The following GRAMD1B variants were observed in gnomAD, a reference collection of about 807,000 sequenced individuals.
GRAMD1B encodes the protein protein Aster-B.
GRAMD1B carries 37 observed loss-of-function variants against 99.7 expected under a neutral mutation model. The ratio of observed to expected loss-of-function variants is 0.37; its 90% CI spans 0.29 to 0.49. GRAMD1B has a LOEUF of 0.49. Ranked by LOEUF, GRAMD1B falls within the 20% of genes least tolerant of loss-of-function variation. GRAMD1B has a pLI of 0.98. For synonymous variants in GRAMD1B, 427 were observed against 387.6 expected, an observed-to-expected ratio of 1.10 and a Z score of -1.19; for missense variants, 888 against 1,009.2, an observed-to-expected ratio of 0.88 and a Z score of 1.63.
intron 1 of GRAMD1B, among the ~76,000 whole-genome samples, chr11:123,369,751 G>A (rs1946457525): frequency 6.6e-6 from 1 of 151,586 alleles, no homozygotes; most frequent in Admixed American, 6.6e-5. Context: ...GTGCGCCAGT[G>A]TTCCCAGCTA....
At chr11:123,618,033 T>C (rs1954676980) in intron 17 of GRAMD1B, among the ~76,000 whole-genome samples, 1 of 152,170 alleles carries the variant, frequency 6.6e-6, no homozygotes, top group East Asian at 1.9e-4. Flanking sequence ...GTAAGAGGTA[T>C]CATTGGCAGA....
intron 2 of GRAMD1B, among the ~76,000 whole-genome samples, chr11:123,552,942 A>G (rs1230611209): frequency 6.6e-6 from 1 of 152,258 alleles, no homozygotes; most frequent in Non-Finnish European, 1.5e-5. Flanking sequence ...TCTAGAAAAT[A>G]TAGATCACTA....
rs1458044451 is a variant in GRAMD1B, at chr11:123,624,677, C to G, written c.*2082C>G. ...CTGGAAATCTCCCCCTTGGCACAGC[C>G]AGAAGCCAAAACTATTCCCAGAAAG... is the stretch of plus-strand genomic sequence containing the variant. On this transcript the variant is annotated 3_prime_UTR_variant, in exon 20 of 20. Coordinates refer to ENST00000635736, the MANE Select transcript of GRAMD1B (RefSeq NM_001387025.1). 6.6e-6 allele frequency: 1 copy of G among 152,188 alleles called. No individual in the cohort carries two copies. The highest frequency in any genetic ancestry group is 6.5e-5 in the Admixed American group (1 of 15,284). 9.4% of individuals were successfully genotyped at this position (152,188 alleles called of 1,614,324 possible).
Position 123,520,940 on chromosome 11 carries a change from T to G in GRAMD1B, c.452+40047T>G, listed in dbSNP as rs138558026. Among the ~76,000 whole-genome samples the G allele has an allele frequency of 9.3e-3, 1,415 of 152,340 alleles. 20 individuals carry two copies. Among genetic ancestry groups the G allele is most frequent in the African/African-American group, 0.026 (1,061 of 41,570 alleles). On this transcript the variant is annotated intron_variant, in intron 2 of 19. Coordinates refer to ENST00000635736, the MANE Select transcript of GRAMD1B (RefSeq NM_001387025.1). ...TGATTTATGCATTTTCAATGCTGTG[T>G]ACTGTTCCACCTTAAGAAAATAACA...
At chr11:123,562,185 T>C (rs943406605) in intron 2 of GRAMD1B, among the ~76,000 whole-genome samples, 8 of 152,018 alleles carry the variant, frequency 5.3e-5, no homozygotes, top group African/African-American at 1.9e-4. Context: ...CCTGCCTCTA[T>C]TTAATAATAA....
At chr11:123,605,966 T>G (rs1328135993) in intron 10 of GRAMD1B, among the ~76,000 whole-genome samples, 1 of 152,178 alleles carries the variant, frequency 6.6e-6, no homozygotes, top group Non-Finnish European at 1.5e-5. Context: ...CTCTGTCCTG[T>G]GGGACTCTGT....
At chr11:123,622,156 G>T (rs1305463664) in intron 19 of GRAMD1B, among the ~76,000 whole-genome samples, 2 of 151,900 alleles carry the variant, frequency 1.3e-5, no homozygotes, top group Non-Finnish European at 2.9e-5. Context: ...GAGTAGTTAG[G>T]ACTACAGGTG....
At chr11:123,467,655 G>T (rs1022696966) in intron 1 of GRAMD1B, among the ~76,000 whole-genome samples, 2 of 152,096 alleles carry the variant, frequency 1.3e-5, no homozygotes, top group Non-Finnish European at 2.9e-5. Flanking sequence ...AGTCGGCATC[G>T]CCAGATGTCT....
chr11:123,433,501 T>C (rs140295282), intron 1 of GRAMD1B, among the ~76,000 whole-genome samples: 1 of 152,262 alleles, frequency 6.6e-6, no homozygotes. Context: ...GGACAAAATA[T>C]GGTAAAAAGA....
chr11:123,368,544 G>T (rs991211464), intron 1 of GRAMD1B, among the ~76,000 whole-genome samples: 11 of 151,786 alleles, frequency 7.2e-5, no homozygotes, highest in Non-Finnish European at 7.4e-5. Flanking sequence ...GCTGGACGTT[G>T]TGGTGTGTGC....
chr11:123,613,316 C>G, intron 15 of GRAMD1B, 139 bp from the exon 16 acceptor site: 1 of 649,122 alleles, frequency 1.5e-6, no homozygotes, highest in East Asian at 2.7e-5. Flanking sequence ...CAAGTACCTC[C>G]TGAGGCTCAT....
chr11:123,408,035 T>A (rs572936181), intron 1 of GRAMD1B, among the ~76,000 whole-genome samples: 1 of 152,218 alleles, frequency 6.6e-6, no homozygotes, highest in East Asian at 1.9e-4. Context: ...ATAATGTAGA[T>A]GTCTGTGAAT....
chr11:123,394,160 C>T (rs1947375870), intron 1 of GRAMD1B, among the ~76,000 whole-genome samples: 1 of 152,214 alleles, frequency 6.6e-6, no homozygotes, highest in African/African-American at 2.4e-5. Flanking sequence ...ATGAACCAGA[C>T]ATGTAAATTA....
chr11:123,560,768 G>T (rs1180917388), intron 2 of GRAMD1B: 2 of 449,410 alleles, frequency 4.5e-6, no homozygotes, highest in African/African-American at 4.1e-5. Context: ...TTTTGGAAGC[G>T]GTGGCTCTGT....
chr11:123,600,300 G>A (rs554524338), intron 7 of GRAMD1B, among the ~76,000 whole-genome samples, 168 bp from the exon 8 acceptor site: 75 of 152,306 alleles, frequency 4.9e-4, no homozygotes, highest in African/African-American at 1.7e-3. Context: ...CAGGCCTCTG[G>A]TGTGCTGACC....
At chr11:123,525,819 G>A (rs916480067) in intron 2 of GRAMD1B, 9 of 369,528 alleles carry the variant, frequency 2.4e-5, no homozygotes, top group East Asian at 2.2e-4. Flanking sequence ...GGCTTGTTTC[G>A]CGCAGCCTTG....
At chr11:123,508,585 T>C (rs1225997444) in intron 2 of GRAMD1B, among the ~76,000 whole-genome samples, 1 of 152,228 alleles carries the variant, frequency 6.6e-6, no homozygotes, top group Non-Finnish European at 1.5e-5. Context: ...ATCAGTTTTT[T>C]GGGAAACTCT....
At chr11:123,519,982 C>T (rs901147434) in intron 2 of GRAMD1B, among the ~76,000 whole-genome samples, 2 of 152,236 alleles carry the variant, frequency 1.3e-5, no homozygotes, top group Admixed American at 6.5e-5. Flanking sequence ...CCCTGGGTGT[C>T]TGCAGGCAAG....
intron 1 of GRAMD1B, among the ~76,000 whole-genome samples, chr11:123,397,654 G>A (rs1018825206): frequency 6.6e-5 from 10 of 151,886 alleles, no homozygotes; most frequent in South Asian, 2.1e-4. Context: ...AGAGTGTGCC[G>A]CCACATCTGA....
Sources: allele counts gnomAD v4.1 joint callset (sites outside exome capture counted in the v4.1 genomes callset), GRCh38; gene constraint gnomAD v4.1.1; transcripts MANE v1.5; gene names NCBI Gene and HGNC (gene_info 2026-07-23, HGNC 2026-07-21).